Variants in SDHC observed in about 807,000 individuals in gnomAD.
SDHC encodes succinate dehydrogenase complex subunit C.
SDHC carries 11 observed loss-of-function variants against 22.6 expected under a neutral mutation model. The observed-to-expected ratio is 0.49, with a 90% CI of 0.31 to 0.81. SDHC has a LOEUF of 0.81. Among genes scored for constraint, SDHC ranks in the 30% least tolerant of loss-of-function variants. The pLI, the probability that SDHC is intolerant of heterozygous loss-of-function variation, is 0.05. For synonymous variants in SDHC, 80 were observed against 77.8 expected (o/e 1.03, Z -0.15); for missense variants, 160 against 212.0 (o/e 0.75, Z 1.52).
intron 3 of SDHC, among the ~76,000 whole-genome samples, chr1:161,329,000 C>T (rs150967975): frequency 0.068 from 10,359 of 151,886 alleles, 504 homozygotes; most frequent in Middle Eastern, 0.11. Context: ...CTCTGCCTCC[C>T]GGGTTCAAGC....
intron 4 of SDHC, among the ~76,000 whole-genome samples, chr1:161,350,062 C>T (rs1468804247): frequency 2.0e-5 from 3 of 152,128 alleles, no homozygotes; most frequent in Non-Finnish European, 4.4e-5. Flanking sequence ...AGGCACGCGT[C>T]ACCATGCCTG....
chr1:161,339,971 C>T (rs927893889), intron 3 of SDHC, among the ~76,000 whole-genome samples: 2 of 151,968 alleles, frequency 1.3e-5, no homozygotes, highest in South Asian at 2.1e-4. Context: ...TGAGGCACCG[C>T]GCCTGGCCCA....
At chr1:161,327,493 A>G (rs986236364) in intron 2 of SDHC, among the ~76,000 whole-genome samples, 2 of 152,312 alleles carry the variant, frequency 1.3e-5, no homozygotes, top group East Asian at 1.9e-4. Flanking sequence ...AGCTGTAAAC[A>G]TGTTAGAACC....
chr1:161,361,335 T>C (rs1395675427), intron 5 of SDHC, among the ~76,000 whole-genome samples: 1 of 152,030 alleles, frequency 6.6e-6, no homozygotes, highest in African/African-American at 2.4e-5. Flanking sequence ...TATATATACA[T>C]ATCTATTGGG....
At chr1:161,339,147 C>T (rs2102331465) in intron 3 of SDHC, among the ~76,000 whole-genome samples, 1 of 152,228 alleles carries the variant, frequency 6.6e-6, no homozygotes, top group South Asian at 2.1e-4. Context: ...CGTGCCCGGC[C>T]TATAGTGATT....
intron 3 of SDHC, among the ~76,000 whole-genome samples, chr1:161,337,943 G>A (rs1015227267): frequency 2.6e-5 from 4 of 152,268 alleles, no homozygotes; most frequent in Non-Finnish European, 4.4e-5. Flanking sequence ...AAAAATAATT[G>A]TGCAATCTGT....
chr1:161,328,379 G>T lies in SDHC; in HGVS notation c.78-17G>T. ...GTTTACTTTTAGTTATTTTCAAACG[G>T]TCTGGTTTTATTTTAGTGCTGTTCC... On this transcript the variant is annotated splice_polypyrimidine_tract_variant and intron_variant, in intron 2 of 5. Transcript: ENST00000367975. 1 of 1,570,194 alleles carries T rather than the reference G, an allele frequency of 6.4e-7. No homozygotes were observed. The highest frequency in any genetic ancestry group is 8.8e-7 in the Non-Finnish European group (1 of 1,140,604).
At chr1:161,329,027 C>T (rs533360077) in intron 3 of SDHC, among the ~76,000 whole-genome samples, 2 of 152,198 alleles carry the variant, frequency 1.3e-5, no homozygotes, top group South Asian at 4.2e-4. Flanking sequence ...CCTGCCTCAG[C>T]CTCCCGAGTA....
At chr1:161,333,274 C>T (rs1262329184) in intron 3 of SDHC, among the ~76,000 whole-genome samples, 1 of 152,024 alleles carries the variant, frequency 6.6e-6, no homozygotes, top group African/African-American at 2.4e-5. Flanking sequence ...CACTTTTTGG[C>T]TATTAGAAAT....
At position 161,323,096 on chromosome 1, in the gene SDHC, T is replaced by G. The variant is rs554747796; in HGVS notation, c.21-518T>G. Among the ~76,000 whole-genome samples the G allele has an allele frequency of 2.8e-4, 42 of 152,142 alleles. 1 individual carries two copies. The highest frequency in any genetic ancestry group is 1.9e-3 in the Admixed American group (29 of 15,288). ...TCACTGCAAGCTCCATGTCCCAGGT[T>G]CACGCCATTCTCTCGCCTCAGCCTC... On this transcript the variant is annotated intron_variant, in intron 1 of 5. Coordinates refer to ENST00000367975, the MANE Select transcript of SDHC (RefSeq NM_003001.5).
In SDHC at chr1:161,360,392, CA is replaced by C. The variant is rs563765358; in HGVS notation, c.406-1932del. 2.0e-5 allele frequency among the ~76,000 whole-genome samples: 3 copies of C among 149,146 alleles called. No individual in the cohort carries two copies. The East Asian group carries it at 6.0e-4, about 30-fold the overall frequency. On this transcript the variant is annotated intron_variant, in intron 5 of 5. Coordinates refer to ENST00000367975, the MANE Select transcript of SDHC (RefSeq NM_003001.5). ...CAACGTGGCAAAACTTCATCTCTAC[CA>C]AAAATACAAAAAATTAGCTGGGCAT...
chr1:161,343,467 CT>C (rs1671789248), intron 4 of SDHC, among the ~76,000 whole-genome samples: 3 of 151,978 alleles, frequency 2.0e-5, no homozygotes, highest in Non-Finnish European at 2.9e-5. Context: ...CATTTTTGTT[CT>C]TTTTCATTCC....
rs543036417 is a variant in SDHC, at chr1:161,319,145, C to T, written c.21-4469C>T. Among the ~76,000 whole-genome samples the T allele has an allele frequency of 5.9e-5, 9 of 152,060 alleles. No homozygotes were observed. The East Asian group carries it at 1.4e-3, about 23-fold the overall frequency. The stretch of plus-strand genomic sequence containing the variant: ...CTGAGGCAGGAGAATCGCTTGAACT[C>T]GGGAAGTGGAGGTTGCTGTGAGCTG... On this transcript the variant is annotated intron_variant, in intron 1 of 5. Coordinates refer to ENST00000367975, the MANE Select transcript of SDHC (RefSeq NM_003001.5).
intron 3 of SDHC, 70 bp downstream of exon 3, chr1:161,328,567 C>A: frequency 9.4e-7 from 1 of 1,060,412 alleles, no homozygotes; most frequent in Non-Finnish European, 1.5e-6. Flanking sequence ...GATCTTTAGC[C>A]TACTTGATAC....
In SDHC at chr1:161,359,811, G is replaced by T. The variant is rs184577763; in HGVS notation, c.406-2518G>T. Among the ~76,000 whole-genome samples, 168 of 152,254 alleles carry T rather than the reference G, an allele frequency of 1.1e-3. 1 individual carries two copies. Among genetic ancestry groups the T allele is most frequent in the Non-Finnish European group, 2.2e-4 (15 of 68,018 alleles). ...GAACTTGATAGTTGACTTGCCAGAA[G>T]ATCTAATGGGGGAGTGAGGAGTGAA... On this transcript the variant is annotated intron_variant, in intron 5 of 5. Transcript: ENST00000367975.
intron 5 of SDHC, among the ~76,000 whole-genome samples, chr1:161,358,389 G>A (rs4469725): frequency 0.12 from 17,869 of 151,568 alleles, 1,443 homozygotes; most frequent in African/African-American, 0.22. Flanking sequence ...GATTACAGGC[G>A]CGAGCCACTG....
intron 2 of SDHC, among the ~76,000 whole-genome samples, chr1:161,327,071 C>T (rs1187520676): frequency 6.6e-6 from 1 of 152,064 alleles, no homozygotes; most frequent in Non-Finnish European, 1.5e-5. Context: ...ACTGCAAGCT[C>T]GGACCATCAT....
chr1:161,324,349 ATCCCCC>A (rs1269455647), intron 2 of SDHC, among the ~76,000 whole-genome samples: 3 of 152,166 alleles, frequency 2.0e-5, no homozygotes, highest in African/African-American at 7.2e-5. Flanking sequence ...GGCTCAAGTG[ATCCCCC>A]TGCCTCGGCT....
At chr1:161,315,996 A>G (rs1018544178) in intron 1 of SDHC, among the ~76,000 whole-genome samples, 8 of 152,190 alleles carry the variant, frequency 5.3e-5, no homozygotes, top group African/African-American at 1.9e-4. Context: ...GGTGTGCTTT[A>G]GATACGTATA....
Sources: allele counts gnomAD v4.1 joint callset (sites outside exome capture counted in the v4.1 genomes callset), GRCh38; gene constraint gnomAD v4.1.1; transcripts MANE v1.5; gene names NCBI Gene and HGNC (gene_info 2026-07-23, HGNC 2026-07-21).